The following PRELID2 variants were observed in gnomAD, a reference collection of about 807,000 sequenced individuals.
PRELID2 encodes the protein PRELI domain-containing protein 2.
In PRELID2, 25 loss-of-function variants were observed where a neutral mutation model predicts 28.4. That is an observed-to-expected ratio of 0.88 (90% CI 0.64 to 1.23). PRELID2 has a LOEUF of 1.23. Ranked by LOEUF, PRELID2 falls within the 50% of genes most tolerant of loss-of-function variation. The pLI, the probability that PRELID2 is intolerant of heterozygous loss-of-function variation, is 0.00. For missense variants in PRELID2, 201 were observed against 214.4 expected (o/e 0.94, Z 0.39); for synonymous variants, 76 against 71.6 (o/e 1.06, Z -0.31).
chr5:145,784,593 A>G (rs1307572591), intron 5 of PRELID2, among the ~76,000 whole-genome samples: 1 of 152,240 alleles, frequency 6.6e-6, no homozygotes, highest in Non-Finnish European at 1.5e-5. Context: ...TATGGCATTT[A>G]TATTCAAAAA....
intron 1 of PRELID2, among the ~76,000 whole-genome samples, chr5:145,687,846 G>A (rs1755066378): frequency 6.6e-6 from 1 of 152,120 alleles, no homozygotes; most frequent in African/African-American, 2.4e-5. Flanking sequence ...AATAAATAAA[G>A]TCAGTGCTAT....
rs979870132 is a variant in PRELID2, at chr5:145,764,918, T to C, written c.*10+13A>G. ...CTTGTGTAAATAATTCTGACTTTGCTTTTGGTACTCACTGATGATTCTTTA... is the reference window on the plus strand; with the variant it reads ...CTTGTGTAAATAATTCTGACTTTGCCTTTGGTACTCACTGATGATTCTTTA... On this transcript the variant is annotated intron_variant, in intron 6 of 6. Coordinates refer to ENST00000683046, the MANE Select transcript of PRELID2 (RefSeq NM_205846.3). 6.3e-7 allele frequency: 1 copy of C among 1,598,340 alleles called. No homozygotes were observed.
chr5:145,360,757 T>A, the PRELID2 span, among the ~76,000 whole-genome samples: 1 of 152,184 alleles, frequency 6.6e-6, no homozygotes, highest in Non-Finnish European at 1.5e-5. Flanking sequence ...ATAATTCCAA[T>A]CCTTTGAATG....
the PRELID2 span, among the ~76,000 whole-genome samples, chr5:145,422,311 G>A: frequency 1.3e-5 from 2 of 151,714 alleles, no homozygotes; most frequent in Admixed American, 6.6e-5. Context: ...TCTCGTTGAT[G>A]TGTCTAATGT....
At chr5:145,424,610 G>T in the PRELID2 span, among the ~76,000 whole-genome samples, 12 of 152,162 alleles carry the variant, frequency 7.9e-5, no homozygotes, top group East Asian at 1.9e-4. Context: ...CACGGTGCGC[G>T]CACCCACTGA....
At chr5:145,531,044 C>T (rs922100508) in intron 1 of PRELID2, among the ~76,000 whole-genome samples, 1 of 152,086 alleles carries the variant, frequency 6.6e-6, no homozygotes, top group African/African-American at 2.4e-5. Flanking sequence ...AAAAGTGAAG[C>T]CTTGGGCTTT....
the PRELID2 span, among the ~76,000 whole-genome samples, chr5:145,343,236 C>T: frequency 6.6e-6 from 1 of 151,914 alleles, no homozygotes; most frequent in East Asian, 1.9e-4. Flanking sequence ...TTTATTGGCA[C>T]ATCGAACATT....
intron 5 of PRELID2, among the ~76,000 whole-genome samples, chr5:145,765,735 C>T (rs1459463567): frequency 2.0e-5 from 3 of 152,168 alleles, no homozygotes; most frequent in Admixed American, 1.3e-4. Flanking sequence ...TGAGTGCGCA[C>T]TACAATACCG....
the PRELID2 span, chr5:145,230,002 C>T: frequency 2.7e-6 from 2 of 731,150 alleles, no homozygotes; most frequent in Non-Finnish European, 5.1e-6. Flanking sequence ...AACATCAACT[C>T]CCTCAGACTG....
intron 1 of PRELID2, among the ~76,000 whole-genome samples, chr5:145,567,343 A>ATGGTTTGTTTTGGTTTGGTTTGGTT (rs373786888): frequency 8.5e-4 from 124 of 146,320 alleles, no homozygotes; most frequent in African/African-American, 3.0e-3. Context: ...ATGAGATCTG[A>ATGGTTTGTTTTGGTTTGGTTTGGTT]TGGTTTGGTT....
the PRELID2 span, among the ~76,000 whole-genome samples, chr5:145,438,004 G>T: frequency 2.6e-5 from 4 of 152,112 alleles, no homozygotes; most frequent in African/African-American, 9.6e-5. Flanking sequence ...TTCCTGAGAG[G>T]TTGTTATACT....
At chr5:145,680,063 T>G (rs1480872049) in intron 1 of PRELID2, among the ~76,000 whole-genome samples, 1 of 152,058 alleles carries the variant, frequency 6.6e-6, no homozygotes, top group Non-Finnish European at 1.5e-5. Flanking sequence ...TTGAGCAATA[T>G]TGGTTTAAAT....
chr5:145,547,484 G>A (rs988496821), intron 1 of PRELID2, among the ~76,000 whole-genome samples: 1 of 151,872 alleles, frequency 6.6e-6, no homozygotes, highest in Non-Finnish European at 1.5e-5. Flanking sequence ...TGCAATAAAA[G>A]GTTGATTTAA....
At chr5:145,404,045 A>T in the PRELID2 span, among the ~76,000 whole-genome samples, 3 of 152,184 alleles carry the variant, frequency 2.0e-5, no homozygotes, top group Non-Finnish European at 2.9e-5. Flanking sequence ...TGTAGATGGC[A>T]GCCACCCTGA....
the PRELID2 span, among the ~76,000 whole-genome samples, chr5:145,288,939 T>C: frequency 6.6e-6 from 1 of 152,182 alleles, no homozygotes; most frequent in African/African-American, 2.4e-5. Context: ...AGATAGCCCA[T>C]GGGCAACAAT....
chr5:145,463,957 G>A, the PRELID2 span, among the ~76,000 whole-genome samples: 2 of 152,132 alleles, frequency 1.3e-5, no homozygotes, highest in East Asian at 1.9e-4. Flanking sequence ...TGATCAACAG[G>A]ACAACATACA....
In PRELID2 at chr5:145,790,458, T is replaced by C. The variant is rs138964107; in HGVS notation, c.474+5984A>G. ...CTCATAGAAGTAGAGAGTAGAATGG[T>C]GGTTATCTGAGGCTGGGGGAGGTGC... On this transcript the variant is annotated intron_variant, in intron 5 of 6. Coordinates refer to ENST00000683046, the MANE Select transcript of PRELID2 (RefSeq NM_205846.3). Among the ~76,000 whole-genome samples, 1,346 of 151,880 alleles carry C rather than the reference T, an allele frequency of 8.9e-3. 24 individuals carry two copies. Among genetic ancestry groups the C allele is most frequent in the African/African-American group, 0.031 (1,285 of 41,444 alleles).
intron 1 of PRELID2, among the ~76,000 whole-genome samples, chr5:145,651,890 C>A (rs2149671618): frequency 6.6e-6 from 1 of 152,322 alleles, no homozygotes; most frequent in African/African-American, 2.4e-5. Flanking sequence ...AGCAATGGAA[C>A]AAAGCTGGAT....
At chr5:145,591,444 A>G (rs1490708134) in intron 1 of PRELID2, among the ~76,000 whole-genome samples, 1 of 152,200 alleles carries the variant, frequency 6.6e-6, no homozygotes, top group Admixed American at 6.5e-5. Flanking sequence ...AGAATAGACC[A>G]TTTCATAGTA....
Sources: gnomAD v4.1 joint callset for allele counts (sites outside exome capture counted in the v4.1 genomes callset) on GRCh38, gnomAD v4.1.1 for gene constraint, MANE v1.5 for transcripts, NCBI Gene and HGNC (gene_info 2026-07-23, HGNC 2026-07-21) for gene names.